REEP5: variants seen among roughly 807,000 people sequenced by gnomAD.
REEP5 encodes receptor accessory protein 5, also known as receptor expression-enhancing protein 5.
In REEP5, 24 loss-of-function variants were observed where a neutral mutation model predicts 22.4. The observed-to-expected ratio is 1.07, with a 90% CI of 0.78 to 1.51. REEP5 has a LOEUF of 1.51. REEP5 is among the 40% of genes most tolerant of loss of function. The probability of loss-of-function intolerance (pLI) is 0.00; values close to 1 mark genes in which losing one functional copy is unlikely to be tolerated. For missense variants in REEP5, 252 were observed against 233.0 expected (o/e 1.08, Z -0.53); for synonymous variants, 103 against 88.6 (o/e 1.16, Z -0.92).
At chr5:112,915,430 T>C (rs1769210533) in intron 2 of REEP5, among the ~76,000 whole-genome samples, 1 of 152,202 alleles carries the variant, frequency 6.6e-6, no homozygotes, top group South Asian at 2.1e-4. Context: ...TAGTCACAAG[T>C]TGTTATAAGG....
chr5:112,904,398 A>G (rs1768910335), intron 2 of REEP5, among the ~76,000 whole-genome samples: 1 of 152,160 alleles, frequency 6.6e-6, no homozygotes. Context: ...AATTATTAGT[A>G]TAATAAAAAT....
intron 1 of REEP5, 94 bp from the exon 2 acceptor site, chr5:112,921,350 G>C (rs13158169): frequency 2.5e-6 from 3 of 1,188,954 alleles, no homozygotes; most frequent in Non-Finnish European, 3.7e-6. Context: ...GCCTGTTGTA[G>C]GAGTTTTCCT....
intron 2 of REEP5, among the ~76,000 whole-genome samples, chr5:112,915,599 G>A (rs1304143761): frequency 2.0e-5 from 3 of 152,200 alleles, no homozygotes. Flanking sequence ...GTAAATTAAA[G>A]ATTTAAATGT....
intron 2 of REEP5, among the ~76,000 whole-genome samples, chr5:112,903,212 G>A (rs1489853276): frequency 2.0e-5 from 3 of 152,154 alleles, no homozygotes; most frequent in African/African-American, 7.2e-5. Flanking sequence ...ATTTCCTTCA[G>A]TCCTAGGAAT....
At chr5:112,907,779 T>C (rs1447192465) in intron 2 of REEP5, among the ~76,000 whole-genome samples, 1 of 152,216 alleles carries the variant, frequency 6.6e-6, no homozygotes, top group African/African-American at 2.4e-5. Flanking sequence ...TGTTTACATT[T>C]TGGCACATCC....
chr5:112,902,094 A>C (rs560481254), intron 3 of REEP5, among the ~76,000 whole-genome samples: 183 of 151,992 alleles, frequency 1.2e-3, no homozygotes, highest in Non-Finnish European at 2.3e-3. Context: ...TCCTATATTT[A>C]ATTTCCTATA....
intron 4 of REEP5, among the ~76,000 whole-genome samples, chr5:112,886,466 G>T (rs1768249411): frequency 6.6e-6 from 1 of 152,154 alleles, no homozygotes; most frequent in Non-Finnish European, 1.5e-5. Flanking sequence ...TCCCAGGCTT[G>T]TCTCTAGTTT....
intron 4 of REEP5, among the ~76,000 whole-genome samples, chr5:112,880,607 T>C (rs1333768937): frequency 2.0e-5 from 3 of 152,226 alleles, no homozygotes; most frequent in Admixed American, 2.0e-4. Flanking sequence ...TCCAAAAGCT[T>C]TGAGAAAAGT....
chr5:112,878,104 A>G lies in REEP5; in HGVS notation c.*682T>C, dbSNP rs1041569922. 1 of 152,234 alleles carries G rather than the reference A, an allele frequency of 6.6e-6. No individual in the cohort carries two copies. Among genetic ancestry groups the G allele is most frequent in the African/African-American group, 2.4e-5 (1 of 41,370 alleles). 9.4% of individuals were successfully genotyped at this position (152,234 alleles called of 1,614,324 possible). On this transcript the variant is annotated 3_prime_UTR_variant, in exon 5 of 5. Coordinates refer to ENST00000379638, the MANE Select transcript of REEP5 (RefSeq NM_005669.5). ...CTATCCTGGTATTCATATGCCATATACTACGGAAACAACCAGGCCAATCTC... is the reference window on the plus strand; with the variant it reads ...CTATCCTGGTATTCATATGCCATATGCTACGGAAACAACCAGGCCAATCTC...
At chr5:112,889,891 A>G (rs957885557) in intron 3 of REEP5, among the ~76,000 whole-genome samples, 3 of 149,796 alleles carry the variant, frequency 2.0e-5, no homozygotes, top group Non-Finnish European at 1.5e-5. Flanking sequence ...CTGTGGCACA[A>G]TATCAGCTCA....
At chr5:112,889,270 A>C (rs1768357018) in intron 3 of REEP5, among the ~76,000 whole-genome samples, 2 of 150,822 alleles carry the variant, frequency 1.3e-5, no homozygotes, top group Admixed American at 1.3e-4. Flanking sequence ...TATAGGACTA[A>C]ATTTTTTATA....
At position 112,902,420 on chromosome 5, in the gene REEP5, T is replaced by A; in HGVS notation, c.311A>T (p.Asp104Val). 1.2e-6 allele frequency: 2 copies of A among 1,613,072 alleles called. No homozygotes were observed. Among genetic ancestry groups the A allele is most frequent in the African/African-American group, 2.7e-5 (2 of 74,960 alleles). ...GAAGGGGAACCATGACAGGAAGATA[T>A]CAGAGAAGAATTCAGCAATGCTGAA... ...GVFSIAEFFS[D>V]IFLSWFPFYY... The change falls in exon 3 of 5, where the codon GAT (aspartate) becomes GTT (valine). Residue 104 changes from aspartate (D) to valine (V), a missense_variant. Coordinates refer to ENST00000379638, the MANE Select transcript of REEP5 (RefSeq NM_005669.5).
chr5:112,904,798 G>A (rs1281415613), intron 2 of REEP5, among the ~76,000 whole-genome samples: 1 of 151,930 alleles, frequency 6.6e-6, no homozygotes, highest in Non-Finnish European at 1.5e-5. Context: ...TTGAAAAACA[G>A]GAAGCCTAAC....
At chr5:112,907,160 C>G (rs1187759206) in intron 2 of REEP5, among the ~76,000 whole-genome samples, 1 of 152,176 alleles carries the variant, frequency 6.6e-6, no homozygotes, top group African/African-American at 2.4e-5. Context: ...CAGCTAACCC[C>G]TAGAGGAGTT....
chr5:112,886,893 G>C (rs1445643653), intron 4 of REEP5, 122 bp downstream of exon 4: 3 of 658,174 alleles, frequency 4.6e-6, no homozygotes, highest in African/African-American at 1.8e-5. Context: ...AGAAATCCCA[G>C]AGTAATGTTG....
At chr5:112,920,080 C>T (rs1769319969) in intron 2 of REEP5, among the ~76,000 whole-genome samples, 1 of 152,138 alleles carries the variant, frequency 6.6e-6, no homozygotes, top group Admixed American at 6.6e-5. Flanking sequence ...TAAAGCAGAG[C>T]CCGGGGTAGG....
At chr5:112,898,181 T>C (rs1210179899) in intron 3 of REEP5, 1 of 152,200 alleles carries the variant, frequency 6.6e-6, no homozygotes, top group African/African-American at 2.4e-5. Flanking sequence ...TTCAATACTC[T>C]CCTGAACCTT....
chr5:112,921,614 C>A, intron 1 of REEP5: 1 of 311,624 alleles, frequency 3.2e-6, no homozygotes, highest in Non-Finnish European at 6.1e-6. Context: ...CGGGGAGCGT[C>A]CCGAGAGGCC....
At chr5:112,908,688 C>A (rs1049736913) in intron 2 of REEP5, among the ~76,000 whole-genome samples, 2 of 151,280 alleles carry the variant, frequency 1.3e-5, no homozygotes, top group East Asian at 3.9e-4. Flanking sequence ...ACAGCGCCCA[C>A]GACCACGACA....
Sources: allele counts gnomAD v4.1 joint callset (sites outside exome capture counted in the v4.1 genomes callset), GRCh38; gene constraint gnomAD v4.1.1; transcripts MANE v1.5; gene names NCBI Gene and HGNC (gene_info 2026-07-23, HGNC 2026-07-21).